The following NDST4 variants were observed in gnomAD, a reference collection of about 807,000 sequenced individuals.
NDST4 encodes N-deacetylase and N-sulfotransferase 4.
NDST4 carries 63 observed loss-of-function variants against 100.8 expected under a neutral mutation model. That is an observed-to-expected ratio of 0.62 (90% CI 0.51 to 0.77). NDST4 has a LOEUF of 0.77. Ranked by LOEUF, NDST4 falls within the 30% of genes least tolerant of loss-of-function variation. The pLI is 0.00. For synonymous variants in NDST4, 377 were observed against 361.8 expected, an observed-to-expected ratio of 1.04 and a Z score of -0.48; for missense variants, 943 against 1,018.4, an observed-to-expected ratio of 0.93 and a Z score of 1.01.
At chr4:115,101,870 C>T (rs943891181) in intron 1 of NDST4, among the ~76,000 whole-genome samples, 10 of 151,944 alleles carry the variant, frequency 6.6e-5, no homozygotes, top group African/African-American at 2.4e-4. Flanking sequence ...GTGGAGATTC[C>T]CATGGACTGA....
intron 6 of NDST4, among the ~76,000 whole-genome samples, chr4:114,930,338 C>A (rs745461276): frequency 1.3e-5 from 2 of 152,114 alleles, no homozygotes; most frequent in Non-Finnish European, 2.9e-5. Flanking sequence ...AGCATCCATG[C>A]GCCTGTTCCA....
intron 4 of NDST4, among the ~76,000 whole-genome samples, chr4:114,967,681 T>G (rs965425520): frequency 1.3e-5 from 2 of 152,082 alleles, no homozygotes; most frequent in Admixed American, 1.3e-4. Context: ...ATTTTTGAAA[T>G]GGAAAAGATT....
chr4:115,052,796 G>T (rs1265584904), intron 2 of NDST4, among the ~76,000 whole-genome samples: 1 of 151,988 alleles, frequency 6.6e-6, no homozygotes, highest in Non-Finnish European at 1.5e-5. Context: ...CAAATATTCA[G>T]TTAATTCTAG....
chr4:114,886,606 C>T (rs901278391), intron 6 of NDST4, among the ~76,000 whole-genome samples: 9 of 151,982 alleles, frequency 5.9e-5, no homozygotes, highest in African/African-American at 1.7e-4. Flanking sequence ...TTGTGAAATA[C>T]TATAAACATT....
chr4:114,985,937 T>G (rs1726890391), intron 2 of NDST4, among the ~76,000 whole-genome samples: 1 of 152,136 alleles, frequency 6.6e-6, no homozygotes, highest in African/African-American at 2.4e-5. Context: ...AGAACAGATC[T>G]TAGGGTCAGG....
At chr4:114,941,896 C>T (rs1024736616) in intron 4 of NDST4, among the ~76,000 whole-genome samples, 1 of 152,142 alleles carries the variant, frequency 6.6e-6, no homozygotes. Context: ...AACCTGACTG[C>T]TAGAGCTGAT....
At chr4:114,927,642 T>A (rs1725412874) in intron 6 of NDST4, among the ~76,000 whole-genome samples, 1 of 152,106 alleles carries the variant, frequency 6.6e-6, no homozygotes, top group Non-Finnish European at 1.5e-5. Flanking sequence ...TGTGTCATGC[T>A]AGCATGTCCT....
intron 1 of NDST4, among the ~76,000 whole-genome samples, chr4:115,107,621 G>C (rs1381548108): frequency 6.6e-6 from 1 of 151,980 alleles, no homozygotes; most frequent in Non-Finnish European, 1.5e-5. Context: ...GTGCCACCTT[G>C]ACTTATCTTT....
At position 115,072,229 on chromosome 4, in the gene NDST4, C is replaced by A. The variant is rs183339210; in HGVS notation, c.978+3830G>T. Among the ~76,000 whole-genome samples, 570 of 152,076 alleles carry A rather than the reference C, an allele frequency of 3.7e-3. 2 individuals carry two copies. The highest frequency in any genetic ancestry group is 6.5e-3 in the Non-Finnish European group (441 of 67,936). Reference sequence around the variant, plus strand: ...AGGCACCAATAAATGGAAAGCTTATCCCCACTGATGAAGTAGAAAAATTAA... The same window carrying A: ...AGGCACCAATAAATGGAAAGCTTATACCCACTGATGAAGTAGAAAAATTAA... On this transcript the variant is annotated intron_variant, in intron 2 of 13. Transcript: ENST00000264363.
intron 4 of NDST4, among the ~76,000 whole-genome samples, chr4:114,948,561 T>C (rs1725920690): frequency 6.6e-6 from 1 of 152,134 alleles, no homozygotes; most frequent in Admixed American, 6.6e-5. Context: ...TAAAATCATA[T>C]GAATTATTAT....
At chr4:115,075,933 G>T in intron 2 of NDST4, 126 bp downstream of exon 2, 2 of 1,120,958 alleles carry the variant, frequency 1.8e-6, no homozygotes, top group Non-Finnish European at 2.5e-6. Context: ...TTTTCTAAAT[G>T]GCTATCTTAT....
At chr4:114,998,671 A>G (rs1727217166) in intron 2 of NDST4, among the ~76,000 whole-genome samples, 1 of 152,098 alleles carries the variant, frequency 6.6e-6, no homozygotes. Flanking sequence ...GTCTGACTAT[A>G]GTTTTGCAAT....
At chr4:115,073,940 T>G (rs1032733193) in intron 2 of NDST4, among the ~76,000 whole-genome samples, 1 of 151,772 alleles carries the variant, frequency 6.6e-6, no homozygotes, top group African/African-American at 2.4e-5. Context: ...AATTAAAAAT[T>G]AAAAATAAAA....
chr4:115,113,132 T>C (rs549884962), intron 1 of NDST4, among the ~76,000 whole-genome samples: 32 of 151,950 alleles, frequency 2.1e-4, no homozygotes, highest in Non-Finnish European at 4.6e-4. Context: ...AAGGCTAAAG[T>C]TGTTATCAAA....
At chr4:114,871,960 T>C (rs575118400) in intron 6 of NDST4, among the ~76,000 whole-genome samples, 1 of 152,132 alleles carries the variant, frequency 6.6e-6, no homozygotes, top group South Asian at 2.1e-4. Flanking sequence ...AAATGTAACA[T>C]CTGAAGCTGA....
chr4:115,043,369 A>C (rs1728394641), intron 2 of NDST4, among the ~76,000 whole-genome samples: 1 of 152,092 alleles, frequency 6.6e-6, no homozygotes, highest in African/African-American at 2.4e-5. Context: ...TGCATGCTTT[A>C]GTTAGTAGAA....
At chr4:115,057,762 A>C (rs1215819928) in intron 2 of NDST4, among the ~76,000 whole-genome samples, 1 of 151,256 alleles carries the variant, frequency 6.6e-6, no homozygotes, top group Non-Finnish European at 1.5e-5. Flanking sequence ...ACACACACCA[A>C]AAAGGGCAGT....
At chr4:115,029,867 G>T (rs767473763) in intron 2 of NDST4, among the ~76,000 whole-genome samples, 4 of 152,090 alleles carry the variant, frequency 2.6e-5, no homozygotes, top group African/African-American at 7.2e-5. Context: ...TTTGCAGAAA[G>T]GTTGACTGTG....
intron 11 of NDST4, among the ~76,000 whole-genome samples, chr4:114,837,774 C>T (rs1000863126): frequency 5.3e-5 from 8 of 152,170 alleles, no homozygotes; most frequent in Admixed American, 4.6e-4. Context: ...TGGGCAAAGA[C>T]TTTATGACTA....
Sources: gnomAD v4.1 joint callset for allele counts (sites outside exome capture counted in the v4.1 genomes callset) on GRCh38, gnomAD v4.1.1 for gene constraint, MANE v1.5 for transcripts, NCBI Gene and HGNC (gene_info 2026-07-23, HGNC 2026-07-21) for gene names.